Variants in TMEM132D observed in about 807,000 individuals in gnomAD.
TMEM132D encodes mature OL transmembrane protein.
Under a neutral mutation model 62.3 loss-of-function variants are expected in TMEM132D, and 21 were observed. The observed-to-expected ratio is 0.34, with a 90% CI of 0.24 to 0.49. The LOEUF (loss-of-function observed/expected upper bound fraction) is 0.49. Among genes scored for constraint, TMEM132D ranks in the 20% least tolerant of loss-of-function variants. The pLI is 0.99. For missense variants in TMEM132D, 1,346 were observed against 1,402.8 expected (o/e 0.96, Z 0.65); for synonymous variants, 621 against 575.6 (o/e 1.08, Z -1.13).
intron 2 of TMEM132D, among the ~76,000 whole-genome samples, chr12:129,687,818 C>G (rs1213953535): frequency 6.6e-6 from 1 of 152,096 alleles, no homozygotes; most frequent in South Asian, 2.1e-4. Flanking sequence ...CAAGAGCCTG[C>G]CAGTTGGCCA....
chr12:129,436,305 T>C (rs1456913058), intron 3 of TMEM132D, among the ~76,000 whole-genome samples: 1 of 152,158 alleles, frequency 6.6e-6, no homozygotes, highest in Non-Finnish European at 1.5e-5. Context: ...AAATTGTTAT[T>C]TGGGTTTTCT....
rs117287199 is a variant in TMEM132D, at chr12:129,551,708, C to T, written c.969-20503G>A. On this transcript the variant is annotated intron_variant, in intron 2 of 8. Transcript: ENST00000422113. ...CAAACACAAACCTCTCTCTTCTACA[C>T]GCCCTGCCTAATTCATTTCATTGTA... Among the ~76,000 whole-genome samples, 32 of 152,300 alleles carry T rather than the reference C, an allele frequency of 2.1e-4. 1 individual carries two copies. In the South Asian group the frequency reaches 4.6e-3, roughly 22 times the overall value.
Position 129,710,851 on chromosome 12 carries a change from C to T in TMEM132D, c.80-10153G>A, listed in dbSNP as rs557022371. Among the ~76,000 whole-genome samples, 58 of 147,944 alleles carry T rather than the reference C, an allele frequency of 3.9e-4. No individual in the cohort carries two copies. The South Asian group carries it at 0.012, about 30-fold the overall frequency. On this transcript the variant is annotated intron_variant, in intron 1 of 8. Coordinates refer to ENST00000422113, the MANE Select transcript of TMEM132D (RefSeq NM_133448.3). ...AATGTCAGTGTGTTCAGCCTTAGTG[C>T]GCACGCTGCCTCTCCCATACCCACG...
intron 6 of TMEM132D, among the ~76,000 whole-genome samples, chr12:129,082,272 T>C (rs1266135732): frequency 6.6e-6 from 1 of 152,198 alleles, no homozygotes; most frequent in Non-Finnish European, 1.5e-5. Context: ...CCTCACCTCC[T>C]GGTGAGGGGT....
chr12:129,629,623 G>T (rs1328794320), intron 2 of TMEM132D, among the ~76,000 whole-genome samples: 1 of 151,540 alleles, frequency 6.6e-6, no homozygotes, highest in African/African-American at 2.4e-5. Flanking sequence ...TATTCGTGGT[G>T]TTGCATTTTA....
At chr12:129,117,895 G>A (rs1428672242) in intron 5 of TMEM132D, among the ~76,000 whole-genome samples, 6 of 152,092 alleles carry the variant, frequency 3.9e-5, no homozygotes, top group Admixed American at 3.9e-4. Flanking sequence ...CATAAAAATG[G>A]GGAGTTGGTA....
intron 5 of TMEM132D, among the ~76,000 whole-genome samples, chr12:129,129,107 C>A (rs1035358665): frequency 2.0e-5 from 3 of 152,000 alleles, no homozygotes; most frequent in African/African-American, 7.3e-5. Flanking sequence ...AGCATGGTAC[C>A]CAAAAGTTAG....
At chr12:129,777,190 C>G (rs529515466) in intron 1 of TMEM132D, among the ~76,000 whole-genome samples, 18 of 152,082 alleles carry the variant, frequency 1.2e-4, no homozygotes, top group African/African-American at 3.9e-4. Flanking sequence ...GGTGATTCAG[C>G]GGTGGTCTGA....
chr12:129,619,262 A>C (rs1444579119), intron 2 of TMEM132D, among the ~76,000 whole-genome samples: 1 of 152,116 alleles, frequency 6.6e-6, no homozygotes, highest in Non-Finnish European at 1.5e-5. Context: ...GGGGCCTTCG[A>C]ATTTTATTTT....
intron 1 of TMEM132D, among the ~76,000 whole-genome samples, chr12:129,738,362 A>G (rs1869492588): frequency 6.6e-6 from 1 of 152,142 alleles, no homozygotes; most frequent in African/African-American, 2.4e-5. Context: ...GAGAAGAAAA[A>G]GGGAGGAGAG....
intron 2 of TMEM132D, among the ~76,000 whole-genome samples, chr12:129,568,801 AG>A (rs1431766061): frequency 4.6e-5 from 7 of 152,232 alleles, no homozygotes; most frequent in African/African-American, 1.7e-4. Flanking sequence ...TTCAGCATAA[AG>A]GAAAACCACA....
chr12:129,725,746 A>G (rs939774526), intron 1 of TMEM132D, among the ~76,000 whole-genome samples: 1 of 152,252 alleles, frequency 6.6e-6, no homozygotes, highest in African/African-American at 2.4e-5. Flanking sequence ...CCAATGGATA[A>G]GGCAGGCATC....
chr12:129,219,875 T>C (rs1222734553), intron 4 of TMEM132D, among the ~76,000 whole-genome samples: 1 of 152,204 alleles, frequency 6.6e-6, no homozygotes, highest in African/African-American at 2.4e-5. Context: ...GCTGACACCA[T>C]ACAGGGAGCT....
At chr12:129,880,689 G>T (rs1016221801) in intron 1 of TMEM132D, among the ~76,000 whole-genome samples, 6 of 152,002 alleles carry the variant, frequency 3.9e-5, no homozygotes, top group Non-Finnish European at 7.4e-5. Context: ...TGCCTGTATT[G>T]AACACCCTAT....
intron 3 of TMEM132D, among the ~76,000 whole-genome samples, chr12:129,446,927 A>G (rs879816089): frequency 6.6e-6 from 1 of 152,218 alleles, no homozygotes; most frequent in African/African-American, 2.4e-5. Context: ...GATATGGAGC[A>G]TAGTATTAGC....
intron 1 of TMEM132D, among the ~76,000 whole-genome samples, chr12:129,760,415 TCCGC>T (rs1463300223): frequency 1.4e-5 from 2 of 141,114 alleles, no homozygotes; most frequent in African/African-American, 5.3e-5. Flanking sequence ...CACTGCAAGC[TCCGC>T]CTCCCGGGTT....
intron 3 of TMEM132D, among the ~76,000 whole-genome samples, chr12:129,398,916 G>T (rs1311085276): frequency 6.6e-6 from 1 of 152,002 alleles, no homozygotes; most frequent in Non-Finnish European, 1.5e-5. Context: ...TGCTATAAGA[G>T]AATACTTGAG....
chr12:129,527,086 A>T (rs1276004293), intron 3 of TMEM132D, among the ~76,000 whole-genome samples: 2 of 152,206 alleles, frequency 1.3e-5, no homozygotes, highest in Non-Finnish European at 2.9e-5. Context: ...AGGCAGGTAG[A>T]TTGCTTGGGC....
At chr12:129,280,679 ATATC>A (rs569940129) in intron 4 of TMEM132D, among the ~76,000 whole-genome samples, 1 of 152,170 alleles carries the variant, frequency 6.6e-6, no homozygotes, top group Admixed American at 6.5e-5. Flanking sequence ...TTTGTTTGTA[ATATC>A]TATCTATCTA....
Sources: allele counts gnomAD v4.1 joint callset (sites outside exome capture counted in the v4.1 genomes callset), GRCh38; gene constraint gnomAD v4.1.1; transcripts MANE v1.5; gene names NCBI Gene and HGNC (gene_info 2026-07-23, HGNC 2026-07-21).